PRORP: variants seen among roughly 807,000 people sequenced by gnomAD.
PRORP encodes mitochondrial ribonuclease P catalytic subunit.
A neutral mutation model predicts 59.4 loss-of-function variants in PRORP; 51 were observed. The ratio of observed to expected loss-of-function variants is 0.86; its 90% CI spans 0.69 to 1.08. The LOEUF is 1.08. Among genes scored for constraint, PRORP ranks in the 50% least tolerant of loss-of-function variants. The pLI is 0.00. For synonymous variants in PRORP, 231 were observed against 245.6 expected (o/e 0.94, Z 0.55); for missense variants, 646 against 690.3 (o/e 0.94, Z 0.72).
intron 4 of PRORP, among the ~76,000 whole-genome samples, chr14:35,179,411 A>G (rs577511069): frequency 2.4e-4 from 36 of 152,232 alleles, no homozygotes; most frequent in African/African-American, 8.7e-4. Flanking sequence ...ATATAGTCCC[A>G]TATTTCTTGG....
intron 5 of PRORP, among the ~76,000 whole-genome samples, chr14:35,253,075 T>C (rs987120237): frequency 4.6e-5 from 7 of 152,186 alleles, no homozygotes; most frequent in Admixed American, 2.6e-4. Flanking sequence ...GGCTCATGCC[T>C]GTAATCCCAG....
chr14:35,205,467 G>T (rs1435181873), intron 5 of PRORP, among the ~76,000 whole-genome samples: 1 of 152,170 alleles, frequency 6.6e-6, no homozygotes, highest in Admixed American at 6.5e-5. Context: ...TGGGATTACA[G>T]GCGTGAGGCA....
At chr14:35,162,618 T>TTC (rs2048088643) in intron 4 of PRORP, among the ~76,000 whole-genome samples, 2 of 151,772 alleles carry the variant, frequency 1.3e-5, no homozygotes, top group South Asian at 4.2e-4. Context: ...AGGCTTATTT[T>TTC]TTTTCTCTAT....
chr14:35,198,305 T>C (rs774800194), intron 5 of PRORP, among the ~76,000 whole-genome samples: 1 of 152,212 alleles, frequency 6.6e-6, no homozygotes, highest in Non-Finnish European at 1.5e-5. Flanking sequence ...GGCAGGGCCA[T>C]GTGGGCACTC....
In PRORP at chr14:35,123,222, A is replaced by T; in HGVS notation, c.-24A>T. On this transcript the variant is annotated 5_prime_UTR_variant, in exon 2 of 8. Transcript: ENST00000534898. ...GGGTTTTTTCAACATCTCTCTCACT[A>T]TCTGGTGCTGATCTCACTGCATAAT... 1 of 1,591,846 alleles carries T rather than the reference A, an allele frequency of 6.3e-7. No homozygotes were observed. Among genetic ancestry groups the T allele is most frequent in the Non-Finnish European group, 8.5e-7 (1 of 1,170,358 alleles).
In PRORP at chr14:35,275,472, A is replaced by G. The variant is rs1238331665; in HGVS notation, c.*1906A>G. The stretch of plus-strand genomic sequence containing the variant: ...TTGAGAGCATTAAAAGATACTGCAA[A>G]AGCTCTAATAAATTCAGTCTGCTTA... On this transcript the variant is annotated 3_prime_UTR_variant, in exon 8 of 8. Coordinates refer to ENST00000534898, the MANE Select transcript of PRORP (RefSeq NM_014672.4). The G allele has an allele frequency of 6.6e-5, 10 of 152,320 alleles. No homozygotes were observed. The East Asian group carries it at 1.9e-3, about 29-fold the overall frequency. 9.4% of individuals were successfully genotyped at this position (152,320 alleles called of 1,614,324 possible).
intron 4 of PRORP, chr14:35,158,508 T>G: frequency 4.2e-6 from 1 of 239,628 alleles, no homozygotes; most frequent in Non-Finnish European, 8.7e-6. Flanking sequence ...TTTCTGGAAA[T>G]TTATATATTT....
chr14:35,123,012 C>T lies in PRORP; in HGVS notation c.-234C>T, dbSNP rs1032533211. On this transcript the variant is annotated 5_prime_UTR_variant, in exon 2 of 8. Transcript: ENST00000534898. ...TCCTGCTCTGTCCCCTGGTTTGCGG[C>T]TTGCGACGTTGGACATCCCCGGATT... The T allele has an allele frequency of 1.5e-5, 8 of 518,664 alleles. No homozygotes were observed. The highest frequency in any genetic ancestry group is 1.1e-4 in the African/African-American group (6 of 52,574). The allele number at this position is 518,664 out of a possible 1,614,324, so 32.1% of individuals were successfully genotyped here. A position where few individuals can be genotyped will look rare whatever the true frequency, so the allele number is the denominator to read the frequency against.
At chr14:35,138,515 T>C (rs1181613612) in intron 4 of PRORP, among the ~76,000 whole-genome samples, 1 of 145,332 alleles carries the variant, frequency 6.9e-6, no homozygotes, top group African/African-American at 2.4e-5. Flanking sequence ...GAATATGAGG[T>C]ATAAACCAAG....
intron 4 of PRORP, among the ~76,000 whole-genome samples, chr14:35,180,153 T>G (rs930594055): frequency 2.0e-5 from 3 of 152,136 alleles, no homozygotes; most frequent in Non-Finnish European, 4.4e-5. Context: ...CTTGGGCTAC[T>G]CGGGGGTCAG....
At chr14:35,169,743 AG>A (rs1264930679) in intron 4 of PRORP, among the ~76,000 whole-genome samples, 2 of 152,188 alleles carry the variant, frequency 1.3e-5, no homozygotes, top group Non-Finnish European at 2.9e-5. Flanking sequence ...GGGGACACAA[AG>A]CCAAACCATA....
intron 5 of PRORP, among the ~76,000 whole-genome samples, chr14:35,260,102 A>G (rs951673848): frequency 2.9e-5 from 4 of 138,224 alleles, no homozygotes; most frequent in Non-Finnish European, 6.0e-5. Context: ...GCATTGATCT[A>G]CTGGGCCCAA....
chr14:35,257,391 A>T (rs1285113399), intron 5 of PRORP, among the ~76,000 whole-genome samples: 1 of 152,086 alleles, frequency 6.6e-6, no homozygotes, highest in Admixed American at 6.6e-5. Context: ...GACAACCACC[A>T]TTCTATGCTG....
intron 5 of PRORP, among the ~76,000 whole-genome samples, chr14:35,264,502 C>G (rs551405923): frequency 5.9e-5 from 9 of 152,078 alleles, no homozygotes; most frequent in African/African-American, 1.9e-4. Flanking sequence ...AAGCAGTCCT[C>G]CAGTCTCATC....
chr14:35,123,092 C>A lies in PRORP; in HGVS notation c.-154C>A. The stretch of plus-strand genomic sequence containing the variant: ...TCTTGCTTTTAAGTAGCCCCAAAAG[C>A]AGAACCTTGATTTGTCTGTAAGGAA... On this transcript the variant is annotated 5_prime_UTR_variant, in exon 2 of 8. Transcript: ENST00000534898. 1.3e-6 allele frequency: 1 copy of A among 777,950 alleles called. No homozygotes were observed. The highest frequency in any genetic ancestry group is 2.0e-6 in the Non-Finnish European group (1 of 497,400). 48.2% of individuals were successfully genotyped at this position (777,950 alleles called of 1,614,324 possible).
At chr14:35,218,467 GAAAA>G (rs1209553911) in intron 5 of PRORP, among the ~76,000 whole-genome samples, 3 of 100,168 alleles carry the variant, frequency 3.0e-5, no homozygotes, top group East Asian at 6.8e-4. Context: ...TCTAAAAAAA[GAAAA>G]AAAAAAAAAA....
chr14:35,196,113 A>G (rs2049001713), intron 5 of PRORP, among the ~76,000 whole-genome samples: 1 of 152,228 alleles, frequency 6.6e-6, no homozygotes, highest in Non-Finnish European at 1.5e-5. Flanking sequence ...TCTAAAAATA[A>G]ATAAGTCAAT....
At chr14:35,198,803 C>T (rs1397408938) in intron 5 of PRORP, among the ~76,000 whole-genome samples, 1 of 151,292 alleles carries the variant, frequency 6.6e-6, no homozygotes, top group East Asian at 2.0e-4. Context: ...GGAGGCTGAG[C>T]GGGCAGATCA....
At chr14:35,186,597 CT>C (rs1041437815) in intron 5 of PRORP, among the ~76,000 whole-genome samples, 21 of 145,112 alleles carry the variant, frequency 1.4e-4, no homozygotes, top group South Asian at 2.2e-4. Context: ...CTTTCATTTT[CT>C]TTTTTTTTTT....
Sources: allele counts gnomAD v4.1 joint callset (sites outside exome capture counted in the v4.1 genomes callset), GRCh38; gene constraint gnomAD v4.1.1; transcripts MANE v1.5; gene names NCBI Gene and HGNC (gene_info 2026-07-23, HGNC 2026-07-21).